DMD: variants seen among roughly 807,000 people sequenced by gnomAD.
The protein encoded by DMD is dystrophin.
In DMD, 63 loss-of-function variants were observed where a neutral mutation model predicts 330.1. That is an observed-to-expected ratio of 0.19 (90% confidence interval 0.16 to 0.24). The LOEUF is 0.24. Among genes scored for constraint, DMD ranks in the 10% least tolerant of loss-of-function variants. The pLI is 1.00. For synonymous variants in DMD, 1,223 were observed against 959.8 expected (o/e 1.27, Z -5.07); for missense variants, 3,344 against 2,684.1 (o/e 1.25, Z -5.43).
intron 43 of DMD, 28 bp downstream of exon 43, chrX:32,287,501 T>A (rs1035300557): frequency 5.9e-6 from 7 of 1,191,283 alleles, no homozygotes; most frequent in Non-Finnish European, 8.0e-6. Context: ...TTTCTGCAAG[T>A]ATCAAGAAAA....
At chrX:31,294,648 A>G (rs1188289321) in intron 62 of DMD, among the ~76,000 whole-genome samples, 1 of 112,242 alleles carries the variant, frequency 8.9e-6, no homozygotes, top group African/African-American at 3.2e-5. Context: ...TAATTAGCTG[A>G]CTGAATACTG....
At chrX:31,278,667 G>A (rs1489126706) in intron 62 of DMD, among the ~76,000 whole-genome samples, 1 of 112,074 alleles carries the variant, frequency 8.9e-6, no homozygotes, top group Non-Finnish European at 1.9e-5. Flanking sequence ...ACAACTGCAC[G>A]TTGCCTGTCT....
At chrX:32,486,576 C>T (rs1173977168) in intron 20 of DMD, among the ~76,000 whole-genome samples, 2 of 110,306 alleles carry the variant, frequency 1.8e-5, no homozygotes, top group African/African-American at 6.6e-5. Flanking sequence ...AAGCTGGAGG[C>T]ATCACACTAC....
chrX:32,379,219 TC>T (rs1173728375), intron 34 of DMD, among the ~76,000 whole-genome samples: 1 of 109,350 alleles, frequency 9.1e-6, no homozygotes, highest in Non-Finnish European at 1.9e-5. Context: ...TTTTTTTTTT[TC>T]CTACTAGATC....
chrX:32,502,355 T>C (rs1414852388), intron 18 of DMD, among the ~76,000 whole-genome samples: 1 of 111,704 alleles, frequency 9.0e-6, no homozygotes, highest in Non-Finnish European at 1.9e-5. Flanking sequence ...TGTAGGCTAA[T>C]TTTTCTTTCA....
intron 55 of DMD, among the ~76,000 whole-genome samples, chrX:31,544,512 T>G (rs1266449618): frequency 9.1e-6 from 1 of 109,646 alleles, no homozygotes; most frequent in Non-Finnish European, 1.9e-5. Flanking sequence ...AAGGAAAATT[T>G]TTACCTCTGA....
At chrX:31,601,367 C>G in intron 55 of DMD, among the ~76,000 whole-genome samples, 1 of 112,241 alleles carries the variant, frequency 8.9e-6, no homozygotes. Flanking sequence ...TGTTATCAGA[C>G]TTATCCAGTG....
chrX:32,032,589 A>G (rs986795920), intron 44 of DMD, among the ~76,000 whole-genome samples: 1 of 111,477 alleles, frequency 9.0e-6, no homozygotes, highest in African/African-American at 3.3e-5. Context: ...GGTTAGCCCA[A>G]TTTAGGCCAT....
intron 60 of DMD, among the ~76,000 whole-genome samples, chrX:31,412,999 A>T (rs1654044118): frequency 9.0e-6 from 1 of 111,558 alleles, no homozygotes; most frequent in African/African-American, 3.3e-5. Context: ...TTCTTACTGA[A>T]CATTCTAGAT....
chrX:32,634,396 CAGA>C (rs2058947470), intron 11 of DMD, among the ~76,000 whole-genome samples: 1 of 112,038 alleles, frequency 8.9e-6, no homozygotes, highest in Admixed American at 9.4e-5. Context: ...TTTCCTGAAG[CAGA>C]AGGATTCTCT....
At chrX:32,850,896 G>A (rs7880016) in intron 2 of DMD, among the ~76,000 whole-genome samples, 22,198 of 110,461 alleles carry the variant, frequency 0.2, 2,462 homozygotes, top group African/African-American at 0.41. Context: ...TCAGACATAG[G>A]CCCAGACCCT....
chrX:31,869,404 ATTTTT>A (rs34962396), intron 48 of DMD, among the ~76,000 whole-genome samples: 2 of 83,178 alleles, frequency 2.4e-5, no homozygotes, highest in South Asian at 6.6e-4. Flanking sequence ...AAACGACATG[ATTTTT>A]TTTTTTTTTT....
intron 18 of DMD, among the ~76,000 whole-genome samples, chrX:32,504,313 T>C (rs963763987): frequency 1.7e-4 from 19 of 112,016 alleles, no homozygotes; most frequent in African/African-American, 2.3e-4. Flanking sequence ...AATTTCAACA[T>C]TGAATATATC....
chrX:31,609,518 C>T (rs200858251), intron 55 of DMD, among the ~76,000 whole-genome samples: 6 of 109,724 alleles, frequency 5.5e-5, no homozygotes, highest in African/African-American at 2.0e-4. Context: ...CGTGTGTGTG[C>T]GTGTGTGTGT....
chrX:32,105,710 C>T (rs1162853332), intron 44 of DMD, among the ~76,000 whole-genome samples: 6 of 111,755 alleles, frequency 5.4e-5, no homozygotes, highest in Admixed American at 9.6e-5. Context: ...CATTTCAGAA[C>T]TTTGTGTCTT....
At chrX:31,283,865 G>C (rs1315526717) in intron 62 of DMD, among the ~76,000 whole-genome samples, 1 of 111,937 alleles carries the variant, frequency 8.9e-6, no homozygotes, top group Non-Finnish European at 1.9e-5. Context: ...GCAAACAGTT[G>C]ACTCATGGAT....
chrX:32,434,754 G>A (rs1031134776), intron 29 of DMD, among the ~76,000 whole-genome samples: 3 of 111,803 alleles, frequency 2.7e-5, no homozygotes, highest in African/African-American at 9.7e-5. Context: ...AAAGTGCTGA[G>A]CAAAGCCTGA....
intron 62 of DMD, among the ~76,000 whole-genome samples, chrX:31,295,597 T>C (rs55781520): frequency 9.0e-6 from 1 of 111,199 alleles, no homozygotes; most frequent in Admixed American, 9.6e-5. Context: ...GTATTTTTAG[T>C]AGAGATGGGG....
At chrX:32,415,214 C>T in intron 29 of DMD, among the ~76,000 whole-genome samples, 1 of 112,211 alleles carries the variant, frequency 8.9e-6, no homozygotes, top group Non-Finnish European at 1.9e-5. Context: ...TAACATTAAA[C>T]CACATATCTA....
Sources: allele counts gnomAD v4.1 joint callset (sites outside exome capture counted in the v4.1 genomes callset), GRCh38; gene constraint gnomAD v4.1.1; transcripts MANE v1.5; gene names NCBI Gene and HGNC (gene_info 2026-07-23, HGNC 2026-07-21).